Variants in RAB26 observed in about 807,000 individuals in gnomAD.
The protein encoded by RAB26 is RAB26, member RAS oncogene family, also known as ras-related protein Rab-26.
In RAB26, 39 loss-of-function variants were observed where a neutral mutation model predicts 33.1. That is an observed-to-expected ratio of 1.18 (90% CI 0.91 to 1.54). RAB26 has a LOEUF of 1.54. Among genes scored for constraint, RAB26 ranks in the 40% most tolerant of loss-of-function variants. RAB26 has a pLI of 0.00. For synonymous variants in RAB26, 192 were observed against 151.9 expected (o/e 1.26, Z -1.94); for missense variants, 468 against 362.9 (o/e 1.29, Z -2.35).
At position 2,153,441 on chromosome 16, in the gene RAB26, T is replaced by C. The variant is rs1386077237; in HGVS notation, c.*20T>C. 1 of 1,611,058 alleles carries C rather than the reference T, an allele frequency of 6.2e-7. No individual in the cohort carries two copies. Among genetic ancestry groups the C allele is most frequent in the African/African-American group, 1.3e-5 (1 of 75,014 alleles). On this transcript the variant is annotated 3_prime_UTR_variant, in exon 9 of 9. Coordinates refer to ENST00000210187, the MANE Select transcript of RAB26 (RefSeq NM_014353.5). ...CCTTGAACCTGGCTGAGCTCAGTCC[T>C]CTGGAGGAAGCCGTCCAGTCCCTAG...
rs758302457 is a variant in RAB26, at chr16:2,153,472, T to A, written c.*51T>A. 1 of 1,554,144 alleles carries A rather than the reference T, an allele frequency of 6.4e-7. No individual in the cohort carries two copies. The highest frequency in any genetic ancestry group is 1.1e-5 in the South Asian group (1 of 89,404). ...GGAAGCCGTCCAGTCCCTAGAAGGC[T>A]GGACAGAGGGTCTCCAGGCCCTTCT... On this transcript the variant is annotated 3_prime_UTR_variant, in exon 9 of 9. Coordinates refer to ENST00000210187, the MANE Select transcript of RAB26 (RefSeq NM_014353.5).
intron 7 of RAB26, 46 bp downstream of exon 7, chr16:2,153,091 C>T (rs769059451): frequency 1.2e-5 from 19 of 1,612,708 alleles, no homozygotes; most frequent in Admixed American, 3.3e-5. Context: ...CTGGAGGCTG[C>T]GAGCCTAGGC....
rs777589743 is a variant in RAB26 at position 2,151,705 on chromosome 16, C to G, written c.359C>G (p.Thr120Arg). The G allele has an allele frequency of 6.2e-7, 1 of 1,614,000 alleles. No homozygotes were observed. Among genetic ancestry groups the G allele is most frequent in the Non-Finnish European group, 8.5e-7 (1 of 1,180,026 alleles). ...GVKVKLQMWD[T>R]AGQERFRSVT... ...TGCCTGTCGCTGCAGATGTGGGACA[C>G]AGCTGGTCAGGAGCGGTTCCGCAGT... Residue 120 changes from threonine to arginine, a missense_variant, in exon 4 of 9, where the codon ACA becomes AGA. Coordinates refer to ENST00000210187, the MANE Select transcript of RAB26 (RefSeq NM_014353.5).
Position 2,148,735 on chromosome 16 carries a change from G to A in RAB26, c.-49G>A. ...CTCGGCGGGCGCGGGGTGCGGGACG[G>A]CCCAGGGCACGGCGGCTGCAGCGGG... On this transcript the variant is annotated 5_prime_UTR_variant, in exon 1 of 9. Transcript: ENST00000210187. 2.4e-6 allele frequency: 3 copies of A among 1,255,244 alleles called. No individual in the cohort carries two copies. The highest frequency in any genetic ancestry group is 6.2e-5 in the South Asian group (2 of 32,400). 77.8% of individuals were successfully genotyped at this position (1,255,244 alleles called of 1,614,324 possible).
intron 7 of RAB26, 34 bp from the exon 8 acceptor site, chr16:2,153,112 A>G (rs1174560774): frequency 6.2e-7 from 1 of 1,613,124 alleles, no homozygotes; most frequent in Non-Finnish European, 8.5e-7. Context: ...TGTCCCCGCC[A>G]GGCCACCACC....
rs192091078 is a variant in RAB26 at position 2,153,175 on chromosome 16, C to T, written c.621C>T (p.Ser207=). Residue 207 remains serine (S), a synonymous_variant, in exon 8 of 9, where the codon AGC becomes AGT. Coordinates refer to ENST00000210187, the MANE Select transcript of RAB26 (RefSeq NM_014353.5). ...KEYGLPFMET[S]AKTGLNVDLA... ...ATGGACTGCCCTTCATGGAGACCAG[C>T]GCCAAGACGGGCCTCAACGTGGACT... 9.4e-5 allele frequency: 152 copies of T among 1,613,844 alleles called. No homozygotes were observed. Among genetic ancestry groups the T allele is most frequent in the Non-Finnish European group, 1.1e-4 (131 of 1,180,032 alleles).
At position 2,153,437 on chromosome 16, in the gene RAB26, G is replaced by C. The variant is rs776249188; in HGVS notation, c.*16G>C. The C allele has an allele frequency of 5.0e-6, 8 of 1,611,820 alleles. No homozygotes were observed. The highest frequency in any genetic ancestry group is 1.6e-4 in the Middle Eastern group (1 of 6,080). On this transcript the variant is annotated 3_prime_UTR_variant, in exon 9 of 9. Transcript: ENST00000210187. Reference sequence around the variant, plus strand: ...CCGCCCTTGAACCTGGCTGAGCTCAGTCCTCTGGAGGAAGCCGTCCAGTCC... The same window carrying C: ...CCGCCCTTGAACCTGGCTGAGCTCACTCCTCTGGAGGAAGCCGTCCAGTCC...
intron 5 of RAB26, among the ~76,000 whole-genome samples, chr16:2,152,161 A>T (rs1165513074): frequency 6.6e-6 from 1 of 152,220 alleles, no homozygotes; most frequent in African/African-American, 2.4e-5. Context: ...ACTTCTAAAG[A>T]CAGGTATCCT....
chr16:2,149,699 TC>T (rs2092998343), intron 1 of RAB26, among the ~76,000 whole-genome samples: 1 of 151,884 alleles, frequency 6.6e-6, no homozygotes, highest in Non-Finnish European at 1.5e-5. Flanking sequence ...TTAGGGAGGG[TC>T]CGGGATGCAG....
At position 2,151,892 on chromosome 16, in the gene RAB26, C is replaced by T. The variant is rs140253021; in HGVS notation, c.452C>T (p.Ser151Phe). ...LLLYDVTNKA[S>F]FDNIQAWLTE... ...CTCTACGATGTCACCAACAAGGCCT[C>T]CTTTGACAACATCCAGGTCAGTGGC... Residue 151 changes from serine (S) to phenylalanine (F), a missense_variant, in exon 5 of 9, where the codon TCC (serine) becomes TTC (phenylalanine). Physicochemically the swap from Ser to Phe is radical, Grantham distance 155 (BLOSUM62 -2). Transcript: ENST00000210187. The T allele has an allele frequency of 1.2e-6, 2 of 1,614,038 alleles. No individual in the cohort carries two copies. Among genetic ancestry groups the T allele is most frequent in the African/African-American group, 2.7e-5 (2 of 74,928 alleles).
chr16:2,150,290 G>A (rs2093000622), intron 2 of RAB26, among the ~76,000 whole-genome samples: 1 of 152,210 alleles, frequency 6.6e-6, no homozygotes, highest in Non-Finnish European at 1.5e-5. Flanking sequence ...GGACACTGTT[G>A]CCTACAGGGT....
At chr16:2,152,765 G>A (rs1363739537) in intron 5 of RAB26, 55 bp from the exon 6 acceptor site, 19 of 1,529,820 alleles carry the variant, frequency 1.2e-5, no homozygotes, top group Non-Finnish European at 1.7e-5. Flanking sequence ...CCAAAGTTCT[G>A]GGGCATGGGG....
In RAB26 at chr16:2,153,441, T is replaced by G; in HGVS notation, c.*20T>G. ...CCTTGAACCTGGCTGAGCTCAGTCC[T>G]CTGGAGGAAGCCGTCCAGTCCCTAG... On this transcript the variant is annotated 3_prime_UTR_variant, in exon 9 of 9. Transcript: ENST00000210187. 6.2e-7 allele frequency: 1 copy of G among 1,611,058 alleles called. No individual in the cohort carries two copies. The highest frequency in any genetic ancestry group is 8.5e-7 in the Non-Finnish European group (1 of 1,178,186).
At chr16:2,152,693 CAAAAAAAAAAAAAAA>C (rs58347017) in intron 5 of RAB26, 112 bp from the exon 6 acceptor site, 1 of 307,308 alleles carries the variant, frequency 3.3e-6, no homozygotes, top group Admixed American at 7.6e-5. Flanking sequence ...ACTCTTGTCT[CAAAAAAAAAAAAAAA>C]AAAAAAAAGA....
At chr16:2,149,590 G>GC (rs1367175185) in intron 1 of RAB26, among the ~76,000 whole-genome samples, 1 of 152,102 alleles carries the variant, frequency 6.6e-6, no homozygotes, top group Admixed American at 6.5e-5. Context: ...ATGTGGAGAA[G>GC]CCCCCGGCAG....
At chr16:2,151,950 C>G (rs200594233) in intron 5 of RAB26, 42 bp downstream of exon 5, 2 of 1,609,066 alleles carry the variant, frequency 1.2e-6, no homozygotes, top group Non-Finnish European at 1.7e-6. Context: ...CCTGATAGGG[C>G]CTGACCCATC....
chr16:2,153,087 G>C, intron 7 of RAB26, 42 bp downstream of exon 7: 2 of 1,612,966 alleles, frequency 1.2e-6, no homozygotes, highest in East Asian at 2.2e-5. Flanking sequence ...GCCCCTGGAG[G>C]CTGCGAGCCT....
At chr16:2,150,587 G>A (rs532540799) in intron 2 of RAB26, among the ~76,000 whole-genome samples, 103 of 152,260 alleles carry the variant, frequency 6.8e-4, no homozygotes, top group African/African-American at 2.4e-3. Flanking sequence ...ATGGAGGAAG[G>A]GCTGTTCCAG....
In RAB26 at chr16:2,148,780, C is replaced by T. The variant is rs2092994619; in HGVS notation, c.-4C>T. The stretch of plus-strand genomic sequence containing the variant: ...AGCGGGAGCACACTGAGCGCCCGCC[C>T]GCCATGTCCAGGAAGAAGACCCCCA... On this transcript the variant is annotated 5_prime_UTR_variant, in exon 1 of 9. Coordinates refer to ENST00000210187, the MANE Select transcript of RAB26 (RefSeq NM_014353.5). 1.5e-6 allele frequency: 2 copies of T among 1,327,376 alleles called. No individual in the cohort carries two copies. The highest frequency in any genetic ancestry group is 1.5e-5 in the African/African-American group (1 of 65,120). 82.2% of individuals were successfully genotyped at this position (1,327,376 alleles called of 1,614,324 possible). A position where few individuals can be genotyped will look rare whatever the true frequency, so the allele number is the denominator to read the frequency against.
Sources: gnomAD v4.1 joint callset for allele counts (sites outside exome capture counted in the v4.1 genomes callset) on GRCh38, gnomAD v4.1.1 for gene constraint, MANE v1.5 for transcripts, NCBI Gene and HGNC (gene_info 2026-07-23, HGNC 2026-07-21) for gene names.